The following COL25A1 variants were observed in gnomAD, a reference collection of about 807,000 sequenced individuals.
COL25A1 encodes collagen type XXV alpha 1 chain.
A neutral mutation model predicts 128.4 loss-of-function variants in COL25A1; 103 were observed. The ratio of observed to expected loss-of-function variants is 0.80; its 90% CI spans 0.68 to 0.94. The LOEUF (loss-of-function observed/expected upper bound fraction) is 0.94. Ranked by LOEUF, COL25A1 falls within the 40% of genes least tolerant of loss-of-function variation. The pLI, the probability that COL25A1 is intolerant of heterozygous loss-of-function variation, is 0.00. For missense variants in COL25A1, 745 were observed against 840.0 expected (o/e 0.89, Z 1.40); for synonymous variants, 279 against 277.2 (o/e 1.01, Z -0.06).
intron 8 of COL25A1, among the ~76,000 whole-genome samples, chr4:108,953,255 C>A (rs1447657553): frequency 1.3e-5 from 2 of 152,072 alleles, no homozygotes; most frequent in Non-Finnish European, 2.9e-5. Flanking sequence ...CTTATAGGTA[C>A]CTTTCTGTAC....
chr4:109,136,937 T>C (rs1293423773), intron 3 of COL25A1, among the ~76,000 whole-genome samples: 1 of 152,224 alleles, frequency 6.6e-6, no homozygotes, highest in Non-Finnish European at 1.5e-5. Context: ...GCCCACATGT[T>C]CTTTGAGCCG....
At chr4:109,168,146 A>G (rs143531154) in intron 3 of COL25A1, among the ~76,000 whole-genome samples, 6 of 152,266 alleles carry the variant, frequency 3.9e-5, no homozygotes, top group African/African-American at 1.4e-4. Context: ...GAAAAATTAA[A>G]TGGAGCCGTG....
At chr4:108,966,901 G>T (rs950397144) in intron 8 of COL25A1, among the ~76,000 whole-genome samples, 1 of 114,262 alleles carries the variant, frequency 8.8e-6, no homozygotes, top group Non-Finnish European at 2.0e-5. Context: ...GGAAGGGAAG[G>T]GAAGGGAAAA....
chr4:109,150,107 AC>A (rs1771357255), intron 3 of COL25A1, among the ~76,000 whole-genome samples: 1 of 151,800 alleles, frequency 6.6e-6, no homozygotes, highest in East Asian at 1.9e-4. Flanking sequence ...GTGTGTGTGA[AC>A]ATGTGATAGT....
chr4:108,937,186 G>A (rs1259939782), intron 11 of COL25A1, among the ~76,000 whole-genome samples: 1 of 152,002 alleles, frequency 6.6e-6, no homozygotes, highest in African/African-American at 2.4e-5. Context: ...AGACAGGAGG[G>A]GACAGGAAGA....
At chr4:109,196,231 C>T (rs1265829643) in intron 3 of COL25A1, among the ~76,000 whole-genome samples, 2 of 152,294 alleles carry the variant, frequency 1.3e-5, no homozygotes, top group South Asian at 2.1e-4. Flanking sequence ...ATCAGACAGC[C>T]TTCCTTTCCT....
intron 3 of COL25A1, among the ~76,000 whole-genome samples, chr4:109,138,901 G>T (rs1201856369): frequency 2.0e-5 from 3 of 152,028 alleles, no homozygotes; most frequent in Admixed American, 6.6e-5. Context: ...TAGAGACGGG[G>T]TTTCACCCTG....
At chr4:108,983,932 G>A (rs913149399) in intron 6 of COL25A1, among the ~76,000 whole-genome samples, 6 of 152,126 alleles carry the variant, frequency 3.9e-5, no homozygotes, top group Admixed American at 3.3e-4. Context: ...GGGGACCCAA[G>A]CGGGTTGCCA....
intron 8 of COL25A1, among the ~76,000 whole-genome samples, chr4:108,956,716 T>C (rs1419735561): frequency 6.6e-6 from 1 of 152,182 alleles, no homozygotes; most frequent in Admixed American, 6.5e-5. Flanking sequence ...TCAATATATG[T>C]ATTAATGAAA....
chr4:109,156,840 C>CT (rs1285713442), intron 3 of COL25A1, among the ~76,000 whole-genome samples: 1 of 152,140 alleles, frequency 6.6e-6, no homozygotes, highest in Non-Finnish European at 1.5e-5. Context: ...TGCAAATGTA[C>CT]TTTTCTCTGT....
chr4:109,187,354 C>G (rs1226962066), intron 3 of COL25A1, among the ~76,000 whole-genome samples: 1 of 152,136 alleles, frequency 6.6e-6, no homozygotes, highest in East Asian at 1.9e-4. Context: ...TTGGCCTTTG[C>G]TAGTCTAACA....
In COL25A1 at chr4:108,928,325, CCTATTCAGATCTGTTTT is replaced by C. The variant is rs1352878069; in HGVS notation, c.709-7738_709-7722del. 2.0e-5 allele frequency among the ~76,000 whole-genome samples: 3 copies of C among 152,060 alleles called. No homozygotes were observed. The East Asian group carries it at 5.8e-4, about 29-fold the overall frequency. ...TTAAGATTATAATATATAGTCATATCCTATTCAGATCTGTTTTCTACCTAGATGGATCTGCACTGTCT... is the reference window on the plus strand; with the variant it reads ...TTAAGATTATAATATATAGTCATATCCTACCTAGATGGATCTGCACTGTCT... On this transcript the variant is annotated intron_variant, in intron 11 of 37. Coordinates refer to ENST00000399132, the MANE Select transcript of COL25A1 (RefSeq NM_198721.4).
chr4:108,838,779 G>A (rs1488890303), intron 31 of COL25A1, among the ~76,000 whole-genome samples: 1 of 152,156 alleles, frequency 6.6e-6, no homozygotes, highest in African/African-American at 2.4e-5. Flanking sequence ...GAACTTAGAT[G>A]TAGTTTTACT....
At chr4:109,247,026 A>C (rs184899037) in intron 3 of COL25A1, among the ~76,000 whole-genome samples, 2 of 152,338 alleles carry the variant, frequency 1.3e-5, no homozygotes, top group East Asian at 3.9e-4. Flanking sequence ...AAGAAATTTA[A>C]AGTGTTCCAG....
rs1002693974 is a variant in COL25A1, at chr4:109,022,306, C to T, written c.421-11931G>A. 21 of 348,448 alleles carry T rather than the reference C, an allele frequency of 6.0e-5. 1 individual carries two copies. Among genetic ancestry groups the T allele is most frequent in the Admixed American group, 2.7e-4 (8 of 29,264 alleles). The allele number at this position is 348,448 out of a possible 1,614,324, so 21.6% of individuals were successfully genotyped here. A position where few individuals can be genotyped will look rare whatever the true frequency, so the allele number is the denominator to read the frequency against. On this transcript the variant is annotated intron_variant, in intron 5 of 37. Coordinates refer to ENST00000399132, the MANE Select transcript of COL25A1 (RefSeq NM_198721.4). Reference sequence around the variant, plus strand: ...CTGAAATATTGGGGGCGGGTTCCCCCGATATTTCACGATCCATGATATCAA... The same window carrying T: ...CTGAAATATTGGGGGCGGGTTCCCCTGATATTTCACGATCCATGATATCAA...
At chr4:109,250,840 A>C (rs1780596322) in intron 3 of COL25A1, among the ~76,000 whole-genome samples, 1 of 152,182 alleles carries the variant, frequency 6.6e-6, no homozygotes, top group Admixed American at 6.5e-5. Flanking sequence ...ACTAACCATC[A>C]CAAGTTCACC....
At position 109,057,421 on chromosome 4, in the gene COL25A1, A is replaced by ATTTTTTTTTTTTTTTTT. The variant is rs776941019; in HGVS notation, c.368-7259_368-7243dup. ...TAGCTGGGACCACCATGCCTAGCTA[A>ATTTTTTTTTTTTTTTTT]TTTTTTTTTTTTTTTTTTTTTTTTT... On this transcript the variant is annotated intron_variant, in intron 3 of 37. Transcript: ENST00000399132. Among the ~76,000 whole-genome samples the ATTTTTTTTTTTTTTTTT allele has an allele frequency of 3.3e-3, 67 of 20,244 alleles. 9 individuals carry two copies. Among genetic ancestry groups the ATTTTTTTTTTTTTTTTT allele is most frequent in the East Asian group, 4.7e-3 (2 of 422 alleles). 13.3% of individuals were successfully genotyped at this position (20,244 alleles called of 152,430 possible). A position where few individuals can be genotyped will look rare whatever the true frequency, so the allele number is the denominator to read the frequency against.
intron 3 of COL25A1, among the ~76,000 whole-genome samples, chr4:109,201,487 T>C (rs1560858342): frequency 6.6e-6 from 1 of 152,168 alleles, no homozygotes; most frequent in Non-Finnish European, 1.5e-5. Flanking sequence ...AGGGTAACTT[T>C]CTCAACCAGA....
intron 3 of COL25A1, among the ~76,000 whole-genome samples, chr4:109,165,688 G>C (rs1176997185): frequency 6.6e-6 from 1 of 152,132 alleles, no homozygotes; most frequent in African/African-American, 2.4e-5. Flanking sequence ...CTGCACTCCA[G>C]CCTGAGTGAC....
Sources: allele counts gnomAD v4.1 joint callset (sites outside exome capture counted in the v4.1 genomes callset), GRCh38; gene constraint gnomAD v4.1.1; transcripts MANE v1.5; gene names NCBI Gene and HGNC (gene_info 2026-07-23, HGNC 2026-07-21).